THSD7A: variants seen among roughly 807,000 people sequenced by gnomAD.
THSD7A encodes the protein thrombospondin type 1 domain containing 7A, also known as thrombospondin type-1 domain-containing protein 7A.
In THSD7A, 96 loss-of-function variants were observed where a neutral mutation model predicts 231.3. The ratio of observed to expected loss-of-function variants is 0.41; its 90% CI spans 0.35 to 0.49. The LOEUF is 0.49. THSD7A is among the 20% of genes least tolerant of loss of function. THSD7A has a pLI of 0.05. For missense variants in THSD7A, 2,290 were observed against 2,070.2 expected (o/e 1.11, Z -2.06); for synonymous variants, 940 against 743.3 (o/e 1.26, Z -4.30).
chr7:11,455,964 C>T (rs540931995), intron 11 of THSD7A, among the ~76,000 whole-genome samples: 2 of 151,890 alleles, frequency 1.3e-5, no homozygotes, highest in Non-Finnish European at 2.9e-5. Flanking sequence ...TCTATAAAGG[C>T]CACTTTATTT....
At chr7:11,738,279 A>G (rs60211624) in intron 1 of THSD7A, among the ~76,000 whole-genome samples, 28,783 of 151,864 alleles carry the variant, frequency 0.19, 3,501 homozygotes, top group African/African-American at 0.34. Context: ...CTTTGAGCAT[A>G]ATGTTGGTGC....
intron 1 of THSD7A, among the ~76,000 whole-genome samples, chr7:11,771,550 A>G (rs1387265811): frequency 2.0e-5 from 3 of 152,212 alleles, no homozygotes; most frequent in African/African-American, 7.2e-5. Flanking sequence ...GAAAGATATC[A>G]GCTATTGCTA....
chr7:11,668,267 A>C (rs1485838417), intron 1 of THSD7A, among the ~76,000 whole-genome samples: 1 of 152,050 alleles, frequency 6.6e-6, no homozygotes, highest in Non-Finnish European at 1.5e-5. Flanking sequence ...AAATACAAAA[A>C]ATTAGCCTGG....
At chr7:11,426,391 T>C (rs774397702) in intron 15 of THSD7A, among the ~76,000 whole-genome samples, 2 of 152,180 alleles carry the variant, frequency 1.3e-5, no homozygotes, top group Non-Finnish European at 2.9e-5. Flanking sequence ...TGTCACTGCC[T>C]GTCGAGATTA....
intron 1 of THSD7A, among the ~76,000 whole-genome samples, chr7:11,688,656 T>C (rs79677881): frequency 0.074 from 11,249 of 151,818 alleles, 565 homozygotes; most frequent in Non-Finnish European, 0.1. Flanking sequence ...AGAGGTAACA[T>C]GAGCAAATGT....
intron 23 of THSD7A, among the ~76,000 whole-genome samples, chr7:11,395,172 C>T (rs530433946): frequency 1.9e-4 from 29 of 151,230 alleles, no homozygotes; most frequent in African/African-American, 7.0e-4. Flanking sequence ...GGGTTACAAT[C>T]CTAGTCTCTG....
At chr7:11,521,309 C>T (rs1788251795) in intron 6 of THSD7A, among the ~76,000 whole-genome samples, 1 of 151,828 alleles carries the variant, frequency 6.6e-6, no homozygotes, top group African/African-American at 2.4e-5. Context: ...TTAAACATGC[C>T]CAACTACATT....
intron 1 of THSD7A, among the ~76,000 whole-genome samples, chr7:11,779,480 A>G (rs1583284340): frequency 6.6e-6 from 1 of 152,220 alleles, no homozygotes; most frequent in Admixed American, 6.5e-5. Flanking sequence ...GATAAAAACT[A>G]GATTCATTAT....
rs1467712500 is a variant in THSD7A, at chr7:11,371,279, A to G, written c.*4515T>C. The G allele has an allele frequency of 6.6e-6, 1 of 152,186 alleles. No individual in the cohort carries two copies. The highest frequency in any genetic ancestry group is 1.9e-4 in the East Asian group (1 of 5,192). 9.4% of individuals were successfully genotyped at this position (152,186 alleles called of 1,614,324 possible). On this transcript the variant is annotated 3_prime_UTR_variant, in exon 28 of 28. Coordinates refer to ENST00000423059, the MANE Select transcript of THSD7A (RefSeq NM_015204.3). ...AAATGGATAACTATTTGCTTGGCTC[A>G]CACACCAGTTTCTGATACCTGAAAT...
intron 1 of THSD7A, among the ~76,000 whole-genome samples, chr7:11,690,370 T>A (rs965361579): frequency 1.3e-5 from 2 of 151,746 alleles, no homozygotes; most frequent in Admixed American, 6.6e-5. Context: ...TAAAGTAGGT[T>A]CTCAATTTGA....
Position 11,637,654 on chromosome 7 carries a change from G to C in THSD7A, c.191-693C>G, listed in dbSNP as rs776809056. On this transcript the variant is annotated intron_variant, in intron 1 of 27. Coordinates refer to ENST00000423059, the MANE Select transcript of THSD7A (RefSeq NM_015204.3). The surrounding 1 kb of genome is among the most constrained non-coding windows in gnomAD (Gnocchi z 4.2). ...ATTTAAATGTAACTAAAAGACTTTTGCAATTTTCTAATCATTGAGAGGTTA... is the reference window on the plus strand; with the variant it reads ...ATTTAAATGTAACTAAAAGACTTTTCCAATTTTCTAATCATTGAGAGGTTA... 6.6e-6 allele frequency among the ~76,000 whole-genome samples: 1 copy of C among 152,116 alleles called. No individual in the cohort carries two copies. The highest frequency in any genetic ancestry group is 1.5e-5 in the Non-Finnish European group (1 of 68,016).
At chr7:11,476,253 C>T (rs566933564) in intron 7 of THSD7A, among the ~76,000 whole-genome samples, 7 of 147,546 alleles carry the variant, frequency 4.7e-5, no homozygotes, top group East Asian at 4.1e-4. Context: ...AATATTTATA[C>T]GTTAAGGCAA....
intron 1 of THSD7A, among the ~76,000 whole-genome samples, chr7:11,658,607 G>C (rs1782797067): frequency 6.6e-6 from 1 of 151,604 alleles, no homozygotes; most frequent in Admixed American, 6.6e-5. Flanking sequence ...GAAATTTACA[G>C]CTATCGCAAG....
intron 1 of THSD7A, among the ~76,000 whole-genome samples, chr7:11,767,342 C>T (rs994797491): frequency 1.2e-4 from 18 of 152,274 alleles, no homozygotes; most frequent in African/African-American, 4.3e-4. Flanking sequence ...ACTGTGTGTG[C>T]AATTCTTCCC....
chr7:11,623,101 A>C (rs1781371959), intron 2 of THSD7A, among the ~76,000 whole-genome samples: 3 of 152,160 alleles, frequency 2.0e-5, no homozygotes, highest in Admixed American at 2.0e-4. Context: ...GGACTATCTA[A>C]ATTAGAAGGT....
At chr7:11,631,350 G>A (rs1051856476) in intron 2 of THSD7A, among the ~76,000 whole-genome samples, 1 of 152,092 alleles carries the variant, frequency 6.6e-6, no homozygotes, top group African/African-American at 2.4e-5. Flanking sequence ...TTCAAGGCAG[G>A]GGAGTGGAGT....
chr7:11,474,187 G>T lies in THSD7A; in HGVS notation c.2252+147C>A. ...TCAAAGCTGTTATAGCTTTATCAGTGGCTGACTTTCAAAACAAACAAATCT... is the reference window on the plus strand; with the variant it reads ...TCAAAGCTGTTATAGCTTTATCAGTTGCTGACTTTCAAAACAAACAAATCT... On this transcript the variant is annotated intron_variant, in intron 8 of 27. Coordinates refer to ENST00000423059, the MANE Select transcript of THSD7A (RefSeq NM_015204.3). The surrounding 1 kb of genome is among the most constrained non-coding windows in gnomAD (Gnocchi z 4.1). 1 of 634,294 alleles carries T rather than the reference G, an allele frequency of 1.6e-6. No homozygotes were observed. The allele number at this position is 634,294 out of a possible 1,614,324, so 39.3% of individuals were successfully genotyped here.
intron 1 of THSD7A, among the ~76,000 whole-genome samples, chr7:11,778,775 G>T (rs537780455): frequency 6.6e-6 from 1 of 152,172 alleles, no homozygotes; most frequent in Admixed American, 6.5e-5. Context: ...ATTCTCATGT[G>T]AATAGAAATT....
At chr7:11,596,340 A>G (rs1485016161) in intron 2 of THSD7A, among the ~76,000 whole-genome samples, 1 of 152,196 alleles carries the variant, frequency 6.6e-6, no homozygotes. Flanking sequence ...GTGGTCCTCC[A>G]GTTAAAGTAG....
Sources: gnomAD v4.1 joint callset for allele counts (sites outside exome capture counted in the v4.1 genomes callset) on GRCh38, gnomAD v4.1.1 for gene constraint, Gnocchi (gnomAD v3.1) non-coding constraint, MANE v1.5 for transcripts, NCBI Gene and HGNC (gene_info 2026-07-23, HGNC 2026-07-21) for gene names.